Variants in PITHD1 observed in about 807,000 individuals in gnomAD.
The protein encoded by PITHD1 is PITH domain-containing protein 1.
A neutral mutation model predicts 27.5 loss-of-function variants in PITHD1; 8 were observed. The ratio of observed to expected loss-of-function variants is 0.29; its 90% CI spans 0.17 to 0.52. PITHD1 has a LOEUF of 0.52. PITHD1 is among the 20% of genes least tolerant of loss of function. The probability of loss-of-function intolerance (pLI) is 0.96; values close to 1 mark genes in which losing one functional copy is unlikely to be tolerated. For missense variants in PITHD1, 233 were observed against 283.9 expected (o/e 0.82, Z 1.29); for synonymous variants, 118 against 106.8 (o/e 1.10, Z -0.64).
At chr1:23,781,463 A>C (rs951472319) in intron 3 of PITHD1, among the ~76,000 whole-genome samples, 25 of 23,646 alleles carry the variant, frequency 1.1e-3, no homozygotes, top group African/African-American at 4.5e-3. Flanking sequence ...ACTCTGTCTC[A>C]AAAAAAAAAA....
rs1355004626 is a variant in PITHD1 at position 23,779,927 on chromosome 1, C to T, written c.306C>T (p.Pro102=). 2 of 1,610,188 alleles carry T rather than the reference C, an allele frequency of 1.2e-6. No homozygotes were observed. The highest frequency in any genetic ancestry group is 8.5e-7 in the Non-Finnish European group (1 of 1,176,546). ...IIMGEDDDSH[P]SEMRLYKNIP... is the part of the protein sequence containing the mutation. ...TGGGAGAGGATGATGACTCACACCC[C>T]TCTGAGATGAGACTGTAAGTGGCAA... Residue 102 remains proline (P), a synonymous_variant, in exon 3 of 6, where the codon CCC becomes CCT. Coordinates refer to ENST00000246151, the MANE Select transcript of PITHD1 (RefSeq NM_020362.5).
chr1:23,783,456 T>C, intron 3 of PITHD1, among the ~76,000 whole-genome samples: 1 of 149,264 alleles, frequency 6.7e-6, no homozygotes, highest in Non-Finnish European at 1.5e-5. Flanking sequence ...TGTGTGTGTA[T>C]TTTTTGTTTT....
intron 5 of PITHD1, 84 bp from the exon 6 acceptor site, chr1:23,787,191 G>A: frequency 3.7e-6 from 3 of 813,148 alleles, no homozygotes; most frequent in Non-Finnish European, 2.1e-6. Context: ...AAATGAACCT[G>A]AATAAGGACT....
chr1:23,783,789 T>C (rs1638644775), intron 3 of PITHD1, among the ~76,000 whole-genome samples: 2 of 152,094 alleles, frequency 1.3e-5, no homozygotes, highest in Non-Finnish European at 2.9e-5. Flanking sequence ...ATGATGTGTC[T>C]GGGATTGCTT....
intron 1 of PITHD1, among the ~76,000 whole-genome samples, chr1:23,779,205 C>G (rs566880728): frequency 6.6e-6 from 1 of 152,298 alleles, no homozygotes; most frequent in East Asian, 1.9e-4. Flanking sequence ...GGCTCTTCGA[C>G]CCTGGAAATT....
rs759740676 is a variant in PITHD1, at chr1:23,786,385, A to G, written c.496A>G (p.Lys166Glu). The G allele has an allele frequency of 1.2e-6, 2 of 1,606,864 alleles. No individual in the cohort carries two copies. The highest frequency in any genetic ancestry group is 1.7e-6 in the Non-Finnish European group (2 of 1,173,986). The change falls in exon 5 of 6, where the codon AAG (lysine) becomes GAG (glutamate). Residue 166 changes from lysine (K) to glutamate (E), a missense_variant. Transcript: ENST00000246151. ...AAAAAACTTCGGAGCAGATACGACA[A>G]AGGTCTTTTATATTGGCCTGAGAGG... ...ISKNFGADTT[K>E]VFYIGLRGEW...
At chr1:23,785,058 GTTGT>G (rs1638663053) in intron 3 of PITHD1, 1 of 152,004 alleles carries the variant, frequency 6.6e-6, no homozygotes, top group Non-Finnish European at 1.5e-5. Flanking sequence ...AATGTGCTGA[GTTGT>G]TTATTTTCTC....
At chr1:23,779,816 A>G in intron 2 of PITHD1, 48 bp from the exon 3 acceptor site, 1 of 1,376,400 alleles carries the variant, frequency 7.3e-7, no homozygotes, top group Non-Finnish European at 1.0e-6. Context: ...ACAACTAAAC[A>G]GGTATTCAAA....
chr1:23,778,740 C>T (rs1404072020), intron 1 of PITHD1, 27 bp downstream of exon 1: 2 of 1,225,282 alleles, frequency 1.6e-6, no homozygotes, highest in Non-Finnish European at 1.0e-6. Flanking sequence ...TTGGGGCGGG[C>T]GGGGCAGGGT....
rs375164444 is a variant in PITHD1, at chr1:23,785,690, A to G, written c.336A>G (p.Pro112=). The part of the protein sequence containing the change: ...PSEMRLYKNI[P]QMSFDDTERE... Reference sequence around the variant, plus strand: ...CCTTTCTCAGGTACAAGAATATTCCACAGATGTCCTTTGATGATACAGAAA... The same window carrying G: ...CCTTTCTCAGGTACAAGAATATTCCGCAGATGTCCTTTGATGATACAGAAA... The change falls in exon 4 of 6, where the codon CCA becomes CCG. Residue 112 remains proline (P), a synonymous_variant. Coordinates refer to ENST00000246151, the MANE Select transcript of PITHD1 (RefSeq NM_020362.5). 5.0e-6 allele frequency: 8 copies of G among 1,599,356 alleles called. No individual in the cohort carries two copies. In the African/African-American group the frequency reaches 1.1e-4, roughly 21 times the overall value.
At chr1:23,786,537 A>G in intron 5 of PITHD1, 114 bp downstream of exon 5, 1 of 400,104 alleles carries the variant, frequency 2.5e-6, no homozygotes. Flanking sequence ...CCAGTTTATT[A>G]TTTTTCTTGG....
Position 23,778,716 on chromosome 1 carries a change from G to A in PITHD1, c.198+3G>A. On this transcript the variant is annotated splice_donor_region_variant and intron_variant, in intron 1 of 5. Coordinates refer to ENST00000246151, the MANE Select transcript of PITHD1 (RefSeq NM_020362.5). ...AGGAGCGGACCGACCGCTCCAAGGT[G>A]GGCCGCCTGGGGCTTGGGGCGGGCG... 1 of 1,276,836 alleles carries A rather than the reference G, an allele frequency of 7.8e-7. No individual in the cohort carries two copies. The highest frequency in any genetic ancestry group is 9.9e-7 in the Non-Finnish European group (1 of 1,011,332). The allele number at this position is 1,276,836 out of a possible 1,614,324, so 79.1% of individuals were successfully genotyped here. A position where few individuals can be genotyped will look rare whatever the true frequency, so the allele number is the denominator to read the frequency against.
chr1:23,778,774 G>A (rs1158551551), intron 1 of PITHD1, 61 bp downstream of exon 1: 14 of 996,256 alleles, frequency 1.4e-5, no homozygotes, highest in Non-Finnish European at 1.7e-5. Context: ...CGGGCCGTCG[G>A]TCTACTCATT....
chr1:23,783,478 G>A (rs1488022903), intron 3 of PITHD1, among the ~76,000 whole-genome samples: 1 of 149,226 alleles, frequency 6.7e-6, no homozygotes, highest in Non-Finnish European at 1.5e-5. Context: ...TTAAGACGGC[G>A]TTCTGCTCTG....
intron 1 of PITHD1, among the ~76,000 whole-genome samples, chr1:23,778,961 C>A (rs1456697091): frequency 6.6e-6 from 1 of 152,104 alleles, no homozygotes; most frequent in East Asian, 1.9e-4. Flanking sequence ...TATTCCAGGG[C>A]TGTGTGGGCT....
intron 3 of PITHD1, among the ~76,000 whole-genome samples, chr1:23,782,079 A>G (rs1638608757): frequency 6.6e-6 from 1 of 152,220 alleles, no homozygotes; most frequent in Admixed American, 6.5e-5. Context: ...TGAGAGTATT[A>G]AATCAGGGAA....
At chr1:23,781,044 C>A (rs1020630868) in intron 3 of PITHD1, among the ~76,000 whole-genome samples, 1 of 148,466 alleles carries the variant, frequency 6.7e-6, no homozygotes, top group Non-Finnish European at 1.5e-5. Context: ...AAAAATTAGC[C>A]GGGCATGGTG....
chr1:23,780,510 T>G (rs933211933), intron 3 of PITHD1, among the ~76,000 whole-genome samples: 19 of 152,318 alleles, frequency 1.2e-4, no homozygotes, highest in Non-Finnish European at 5.9e-5. Context: ...TTCTGAGTGC[T>G]GGAGAAACAT....
In PITHD1 at chr1:23,786,372, A is replaced by G. The variant is rs1638682680; in HGVS notation, c.483A>G (p.Gly161=). 3 of 1,608,328 alleles carry G rather than the reference A, an allele frequency of 1.9e-6. No individual in the cohort carries two copies. In the East Asian group the frequency reaches 6.7e-5, roughly 36 times the overall value. Residue 161 remains glycine, a synonymous_variant, in exon 5 of 6, where the codon GGA becomes GGG. Transcript: ENST00000246151. ...HLSIHISKNF[G]ADTTKVFYIG... ...CAATTCATATTTCAAAAAACTTCGG[A>G]GCAGATACGACAAAGGTCTTTTATA...
Sources: allele counts gnomAD v4.1 joint callset (sites outside exome capture counted in the v4.1 genomes callset), GRCh38; gene constraint gnomAD v4.1.1; transcripts MANE v1.5; gene names NCBI Gene and HGNC (gene_info 2026-07-23, HGNC 2026-07-21).